The following RALGDS variants were observed in gnomAD, a reference collection of about 807,000 sequenced individuals.
RALGDS encodes ral guanine nucleotide exchange factor.
In RALGDS, 44 loss-of-function variants were observed where a neutral mutation model predicts 99.8. That is an observed-to-expected ratio of 0.44 (90% CI 0.35 to 0.57). The LOEUF is 0.57. Among genes scored for constraint, RALGDS ranks in the 20% least tolerant of loss-of-function variants. The pLI is 0.01. For missense variants in RALGDS, 1,022 were observed against 1,203.1 expected (o/e 0.85, Z 2.23); for synonymous variants, 529 against 505.0 (o/e 1.05, Z -0.64).
chr9:133,121,181 CCGGCCCGGCGCGCGG>C lies in RALGDS; in HGVS notation c.-42_-28del. ...GAAGGCTCGCAGCGCGGGCGCGGGGCCGGCCCGGCGCGCGGCGGGGGCGGCGGCGCGGCCCGCGCG... is the reference window on the plus strand; with the variant it reads ...GAAGGCTCGCAGCGCGGGCGCGGGGCCGGGGGCGGCGGCGCGGCCCGCGCG... On this transcript the variant is annotated 5_prime_UTR_variant, in exon 1 of 18. Transcript: ENST00000372050. The C allele has an allele frequency of 9.6e-7, 1 of 1,042,266 alleles. No individual in the cohort carries two copies. The highest frequency in any genetic ancestry group is 1.2e-6 in the Non-Finnish European group (1 of 868,810). 64.6% of individuals were successfully genotyped at this position (1,042,266 alleles called of 1,614,324 possible). A position where few individuals can be genotyped will look rare whatever the true frequency, so the allele number is the denominator to read the frequency against.
chr9:133,112,767 T>G (rs929853499), intron 1 of RALGDS, among the ~76,000 whole-genome samples: 1 of 152,142 alleles, frequency 6.6e-6, no homozygotes, highest in Non-Finnish European at 1.5e-5. Context: ...TGGGCAGGTG[T>G]GGGGCACCCC....
At chr9:133,124,932 AG>A (rs1832099525), upstream of RALGDS, among the ~76,000 whole-genome samples, 2 of 152,246 alleles carry the variant, frequency 1.3e-5, no homozygotes, top group Admixed American at 1.3e-4. Flanking sequence ...GTGGGATTAC[AG>A]GGGACAGAGA....
chr9:133,107,062 C>T (rs748740605), intron 7 of RALGDS, 23 bp downstream of exon 7: 10 of 1,611,962 alleles, frequency 6.2e-6, no homozygotes, highest in Middle Eastern at 1.7e-4. Context: ...AAAGTGGGGG[C>T]CCAGGCCCCT....
intron 13 of RALGDS, 72 bp downstream of exon 13, chr9:133,102,707 C>T (rs975224359): frequency 3.1e-6 from 5 of 1,602,156 alleles, no homozygotes; most frequent in Non-Finnish European, 4.2e-6. Flanking sequence ...TGGGTCATAG[C>T]TGCTGGCCCT....
At position 133,101,723 on chromosome 9, in the gene RALGDS, C is replaced by G; in HGVS notation, c.2251G>C (p.Gly751Arg). The change falls in exon 16 of 18, where the codon GGC (glycine) becomes CGC (arginine). Residue 751 changes from glycine (G) to arginine (R), a missense_variant. This residue lies in a region of RALGDS where 825 missense variants were observed against 994.5 expected (regional missense o/e 0.83). Coordinates refer to ENST00000372050, the MANE Select transcript of RALGDS (RefSeq NM_006266.4). ...SASQSSPETS[G>R]ISSASSSTSS... is the part of the protein sequence containing the mutation. Reference sequence around the variant, plus strand: ...GTGCTGCTGGAGGCTGAGCTGATGCCGGAGGTCTCCGGGGATGACTGTGAG... The same window carrying G: ...GTGCTGCTGGAGGCTGAGCTGATGCGGGAGGTCTCCGGGGATGACTGTGAG... 6.2e-7 allele frequency: 1 copy of G among 1,613,358 alleles called. No homozygotes were observed. The highest frequency in any genetic ancestry group is 8.5e-7 in the Non-Finnish European group (1 of 1,179,686).
upstream of RALGDS, among the ~76,000 whole-genome samples, chr9:133,124,998 T>C (rs149115122): frequency 6.6e-6 from 1 of 152,210 alleles, no homozygotes; most frequent in African/African-American, 2.4e-5. Flanking sequence ...TGTGGGAACC[T>C]CTATGGGACA....
At chr9:133,131,495 G>C (rs1370227467), upstream of RALGDS, among the ~76,000 whole-genome samples, 31 of 151,890 alleles carry the variant, frequency 2.0e-4, 1 homozygote. Flanking sequence ...AGTGTCCTCT[G>C]CTGGGAACCA....
chr9:133,142,555 TTCCTC>T (rs1329914618), intron 1 of RALGDS, among the ~76,000 whole-genome samples: 1 of 152,160 alleles, frequency 6.6e-6, no homozygotes, highest in African/African-American at 2.4e-5. Context: ...CCCGTTCCCT[TTCCTC>T]TCCACTTCCT....
chr9:133,114,140 G>A (rs1022743262), intron 1 of RALGDS, among the ~76,000 whole-genome samples: 2 of 152,120 alleles, frequency 1.3e-5, no homozygotes, highest in Non-Finnish European at 2.9e-5. Context: ...CCCCACCCCC[G>A]GGGGGCCCTC....
intron 1 of RALGDS, among the ~76,000 whole-genome samples, chr9:133,128,449 G>A (rs1832231338): frequency 6.6e-6 from 1 of 151,496 alleles, no homozygotes; most frequent in Non-Finnish European, 1.5e-5. Context: ...CTATCCCACA[G>A]CTGTGATAGG....
chr9:133,127,391 C>T (rs78325152), intron 1 of RALGDS, among the ~76,000 whole-genome samples: 1 of 152,254 alleles, frequency 6.6e-6, no homozygotes, highest in Non-Finnish European at 1.5e-5. Context: ...TGACTCAGGT[C>T]AGGCCCTGGT....
At chr9:133,111,660 C>G (rs1396345444) in intron 2 of RALGDS, among the ~76,000 whole-genome samples, 1 of 152,208 alleles carries the variant, frequency 6.6e-6, no homozygotes, top group Non-Finnish European at 1.5e-5. Flanking sequence ...GCAGTGGCTC[C>G]AGCCTCCCTT....
chr9:133,108,456 C>G, intron 5 of RALGDS, 50 bp from the exon 6 acceptor site: 1 of 1,504,054 alleles, frequency 6.6e-7, no homozygotes, highest in Non-Finnish European at 8.9e-7. Context: ...CTGTGCCTTT[C>G]CAAAGACACA....
chr9:133,105,884 C>CCCCA (rs1831023798), intron 9 of RALGDS, 48 bp downstream of exon 9: 2 of 58,798 alleles, frequency 3.4e-5, no homozygotes, highest in African/African-American at 1.7e-4. Context: ...CCCCAGCCCC[C>CCCCA]GCCCCAGCCC....
intron 16 of RALGDS, chr9:133,101,010 A>C: frequency 1.9e-6 from 2 of 1,054,590 alleles, no homozygotes; most frequent in Non-Finnish European, 2.3e-6. Flanking sequence ...GGATGAAGAA[A>C]GAGCCCCCAG....
At chr9:133,140,164 C>T (rs1442394527) in intron 1 of RALGDS, among the ~76,000 whole-genome samples, 1 of 152,068 alleles carries the variant, frequency 6.6e-6, no homozygotes, top group Non-Finnish European at 1.5e-5. Context: ...GGAATGGATT[C>T]AGGTCAGGTG....
At chr9:133,139,307 G>A (rs578139334) in intron 1 of RALGDS, among the ~76,000 whole-genome samples, 7 of 152,208 alleles carry the variant, frequency 4.6e-5, no homozygotes, top group Non-Finnish European at 1.0e-4. Context: ...GAGGGGAGGA[G>A]GCAGGGCTCC....
chr9:133,107,720 C>T (rs571165284), intron 6 of RALGDS, among the ~76,000 whole-genome samples: 17 of 152,360 alleles, frequency 1.1e-4, no homozygotes, highest in South Asian at 6.2e-4. Context: ...GAGCACCCTC[C>T]GCTCCCACAG....
In RALGDS at chr9:133,100,958, G is replaced by A. The variant is rs935534275; in HGVS notation, c.2454+562C>T. ...CCTGACCCAGGGCTGGGGTACAGAG[G>A]GTGGGGGTTACAAATGGTTCATCTG... On this transcript the variant is annotated intron_variant, in intron 16 of 17. Transcript: ENST00000372050. The A allele has an allele frequency of 1.0e-5, 11 of 1,050,084 alleles. No individual in the cohort carries two copies. In the South Asian group the frequency reaches 3.0e-4, roughly 28 times the overall value. 65.0% of individuals were successfully genotyped at this position (1,050,084 alleles called of 1,614,324 possible).
Sources: gnomAD v4.1 joint callset for allele counts (sites outside exome capture counted in the v4.1 genomes callset) on GRCh38, gnomAD v4.1.1 for gene constraint, gnomAD v4.1.1 regional missense constraint, MANE v1.5 for transcripts, NCBI Gene and HGNC (gene_info 2026-07-23, HGNC 2026-07-21) for gene names.